MICAL2: variants seen among roughly 807,000 people sequenced by gnomAD.
MICAL2 encodes [F-actin]-monooxygenase MICAL2.
Under a neutral mutation model 127.3 loss-of-function variants are expected in MICAL2, and 77 were observed. The ratio of observed to expected loss-of-function variants is 0.60; its 90% confidence interval spans 0.50 to 0.73. MICAL2 has a LOEUF of 0.73. MICAL2 is among the 30% of genes least tolerant of loss of function. The pLI is 0.00. For missense variants in MICAL2, 1,351 were observed against 1,434.4 expected (o/e 0.94, Z 0.94); for synonymous variants, 570 against 551.1 (o/e 1.03, Z -0.48).
At chr11:12,185,214 A>AT (rs1858071162) in intron 3 of MICAL2, among the ~76,000 whole-genome samples, 1 of 114,518 alleles carries the variant, frequency 8.7e-6, no homozygotes, top group African/African-American at 3.4e-5. Flanking sequence ...GGTGGGTGGC[A>AT]GGATGGATGG....
At chr11:12,145,155 T>C (rs12419161) in intron 2 of MICAL2, among the ~76,000 whole-genome samples, 72,469 of 151,624 alleles carry the variant, frequency 0.48, 17,900 homozygotes, top group South Asian at 0.68. Flanking sequence ...AGCACATCGC[T>C]GGGCACATGG....
chr11:12,201,228 T>C (rs1037103987), intron 3 of MICAL2, among the ~76,000 whole-genome samples: 2 of 151,990 alleles, frequency 1.3e-5, no homozygotes, highest in African/African-American at 4.8e-5. Flanking sequence ...CAGTGGTGAC[T>C]TCATTTCCCC....
intron 32 of MICAL2, among the ~76,000 whole-genome samples, chr11:12,348,159 A>AAG (rs1555024725): frequency 6.6e-6 from 1 of 151,232 alleles, no homozygotes; most frequent in African/African-American, 2.4e-5. Context: ...GTCTCAAAAA[A>AAG]AAAAAAAAAA....
At position 12,211,898 on chromosome 11, in the gene MICAL2, G is replaced by A. The variant is rs192298340; in HGVS notation, c.692-1357G>A. Among the ~76,000 whole-genome samples, 270 of 152,260 alleles carry A rather than the reference G, an allele frequency of 1.8e-3. 2 individuals carry two copies. The highest frequency in any genetic ancestry group is 6.0e-3 in the African/African-American group (251 of 41,538). On this transcript the variant is annotated intron_variant, in intron 6 of 27. Transcript: ENST00000683283. ...TGGTGGCAACCTGGGCAGGAAAACC[G>A]CAACTGCTTGCAAACAGCATGCAGT...
intron 26 of MICAL2, 75 bp downstream of exon 26, chr11:12,259,972 C>T: frequency 6.4e-7 from 1 of 1,574,406 alleles, no homozygotes; most frequent in Non-Finnish European, 8.6e-7. Context: ...TAACTGGATG[C>T]AGGGACTCCT....
intron 3 of MICAL2, among the ~76,000 whole-genome samples, chr11:12,194,032 C>CA (rs1197946653): frequency 1.3e-5 from 2 of 152,224 alleles, no homozygotes; most frequent in Non-Finnish European, 2.9e-5. Context: ...GCAGGTCTGG[C>CA]AATAATATGG....
At chr11:12,300,088 A>G (rs919852347) in intron 29 of MICAL2, among the ~76,000 whole-genome samples, 2 of 152,068 alleles carry the variant, frequency 1.3e-5, no homozygotes, top group Non-Finnish European at 2.9e-5. Flanking sequence ...TGAGGTCAGG[A>G]ATTCAAAACC....
chr11:12,126,047 G>C (rs1850895262), intron 1 of MICAL2, among the ~76,000 whole-genome samples: 1 of 152,212 alleles, frequency 6.6e-6, no homozygotes, highest in South Asian at 2.1e-4. Flanking sequence ...TTACCTTGCA[G>C]AGGGGACTCA....
At chr11:12,349,692 C>A in intron 32 of MICAL2, 2 of 660,966 alleles carry the variant, frequency 3.0e-6, no homozygotes, top group South Asian at 1.8e-5. Context: ...ATACCCATAA[C>A]CTGGAGGCAC....
intron 29 of MICAL2, chr11:12,319,612 T>C (rs1864268929): frequency 2.1e-6 from 2 of 973,332 alleles, no homozygotes; most frequent in East Asian, 4.8e-5. Context: ...TGAGAGTAAG[T>C]GGGGGAGGAG....
intron 22 of MICAL2, among the ~76,000 whole-genome samples, chr11:12,250,841 G>A (rs1861437593): frequency 6.6e-6 from 1 of 152,168 alleles, no homozygotes. Context: ...CTCTTCTCTT[G>A]ACCAGCCTCC....
chr11:12,288,363 G>C (rs1052265343), downstream of MICAL2, among the ~76,000 whole-genome samples: 1 of 152,164 alleles, frequency 6.6e-6, no homozygotes, highest in Non-Finnish European at 1.5e-5. Flanking sequence ...CCACTCTACT[G>C]TGTGCCACCA....
downstream of MICAL2, chr11:12,294,910 A>C (rs1863966190): frequency 7.1e-7 from 1 of 1,408,704 alleles, no homozygotes; most frequent in African/African-American, 1.5e-5. Flanking sequence ...GCAGTTAGTA[A>C]TCTTCATTGC....
chr11:12,324,373 C>A (rs1235331118), intron 31 of MICAL2, among the ~76,000 whole-genome samples: 3 of 152,206 alleles, frequency 2.0e-5, no homozygotes, highest in African/African-American at 7.2e-5. Context: ...TCCCTGACTG[C>A]CACATAGCAG....
At chr11:12,144,264 CA>C (rs1301892719) in intron 2 of MICAL2, among the ~76,000 whole-genome samples, 2 of 152,258 alleles carry the variant, frequency 1.3e-5, no homozygotes, top group Admixed American at 1.3e-4. Context: ...AGCATGAGCC[CA>C]AATACCAAGG....
At chr11:12,135,581 T>C (rs1851769043) in intron 1 of MICAL2, among the ~76,000 whole-genome samples, 1 of 152,184 alleles carries the variant, frequency 6.6e-6, no homozygotes, top group East Asian at 1.9e-4. Flanking sequence ...GCTAACATCA[T>C]CCACATTTTA....
At chr11:12,224,583 C>T in intron 12 of MICAL2, 90 bp from the exon 13 acceptor site, 1 of 1,533,208 alleles carries the variant, frequency 6.5e-7, no homozygotes, top group Non-Finnish European at 8.8e-7. Flanking sequence ...CGTCCTGGTC[C>T]CCAGCCATGG....
intron 15 of MICAL2, among the ~76,000 whole-genome samples, chr11:12,228,798 G>A (rs1230807569): frequency 1.3e-5 from 2 of 152,188 alleles, no homozygotes; most frequent in African/African-American, 4.8e-5. Context: ...GTGTTGGGGC[G>A]GATGGCAAAT....
intron 15 of MICAL2, among the ~76,000 whole-genome samples, chr11:12,235,414 C>T (rs531909208): frequency 6.6e-6 from 1 of 152,178 alleles, no homozygotes; most frequent in South Asian, 2.1e-4. Context: ...GTAGGGCAAC[C>T]ATGTCATGTA....
Sources: gnomAD v4.1 joint callset for allele counts (sites outside exome capture counted in the v4.1 genomes callset) on GRCh38, gnomAD v4.1.1 for gene constraint, MANE v1.5 for transcripts, NCBI Gene and HGNC (gene_info 2026-07-23, HGNC 2026-07-21) for gene names.